FXYD7: variants seen among roughly 807,000 people sequenced by gnomAD.
The protein encoded by FXYD7 is FXYD domain containing ion transport regulator 7, also known as FXYD domain-containing ion transport regulator 7.
A neutral mutation model predicts 15.3 loss-of-function variants in FXYD7; 7 were observed. The ratio of observed to expected loss-of-function variants is 0.46; its 90% confidence interval spans 0.26 to 0.86. The LOEUF (loss-of-function observed/expected upper bound fraction) is 0.86, where lower values mean the gene tolerates loss of function less well. Ranked by LOEUF, FXYD7 falls within the 40% of genes least tolerant of loss-of-function variation. FXYD7 has a pLI of 0.16. For missense variants in FXYD7, 78 were observed against 100.6 expected, an observed-to-expected ratio of 0.78 and a Z score of 0.96; for synonymous variants, 39 against 39.3, an observed-to-expected ratio of 0.99 and a Z score of 0.03.
chr19:35,153,649 C>T (rs566990639), intron 5 of FXYD7, among the ~76,000 whole-genome samples: 31 of 152,218 alleles, frequency 2.0e-4, no homozygotes, highest in Admixed American at 6.5e-4. Flanking sequence ...CCCCAAAAGC[C>T]CAGGTTGGGT....
chr19:35,146,177 A>C (rs4583374), intron 1 of FXYD7, among the ~76,000 whole-genome samples: 41 of 151,866 alleles, frequency 2.7e-4, no homozygotes. Flanking sequence ...TCGCTCTGTC[A>C]TCCAGGCTGG....
chr19:35,148,696 C>T lies in FXYD7; in HGVS notation c.34C>T (p.Pro12Ser). Residue 12 changes from proline (P) to serine (S), a missense_variant and splice_region_variant, in exon 2 of 6, where the codon CCT becomes TCT. Pro to Ser is a moderately conservative substitution (Grantham distance 74). Coordinates refer to ENST00000270310, the MANE Select transcript of FXYD7 (RefSeq NM_022006.2). Reference protein sequence around the residue: ...ATPTQTPTKAPEEPDPFYYDY... With the variant: ...ATPTQTPTKASEEPDPFYYDY... ...TTTTCTCTGCTTCTTTCCCTCAGCT[C>T]CTGAGGAACCTGACCCATTTTACTA... is the stretch of plus-strand genomic sequence containing the variant. 1 of 1,569,626 alleles carries T rather than the reference C, an allele frequency of 6.4e-7. No homozygotes were observed. Among genetic ancestry groups the T allele is most frequent in the Non-Finnish European group, 8.7e-7 (1 of 1,153,812 alleles).
intron 2 of FXYD7, 88 bp downstream of exon 2, chr19:35,148,811 A>C: frequency 8.5e-7 from 1 of 1,178,332 alleles, no homozygotes; most frequent in Admixed American, 1.7e-5. Flanking sequence ...AGCTGTGGCC[A>C]CACGATACGT....
rs954084904 is a variant in FXYD7 at position 35,153,033 on chromosome 19, C to CTTTTTTTTTTTTTTTTT, written c.221-848_221-832dup. ...TTGGTGTGGAATTTGTTTCACGTTC[C>CTTTTTTTTTTTTTTTTT]TTTTTTTTTTTTTTTTTTTTTTTTT... is the stretch of plus-strand genomic sequence containing the variant. On this transcript the variant is annotated intron_variant, in intron 5 of 5. Coordinates refer to ENST00000270310, the MANE Select transcript of FXYD7 (RefSeq NM_022006.2). 4.3e-4 allele frequency among the ~76,000 whole-genome samples: 19 copies of CTTTTTTTTTTTTTTTTT among 44,138 alleles called. 4 individuals carry two copies. Among genetic ancestry groups the CTTTTTTTTTTTTTTTTT allele is most frequent in the East Asian group, 7.4e-4 (1 of 1,346 alleles). The allele number at this position is 44,138 out of a possible 152,430, so 29.0% of individuals were successfully genotyped here. A position where few individuals can be genotyped will look rare whatever the true frequency, so the allele number is the denominator to read the frequency against.
intron 1 of FXYD7, among the ~76,000 whole-genome samples, chr19:35,147,065 G>A (rs118074228): frequency 1.1e-3 from 174 of 152,350 alleles, no homozygotes; most frequent in Non-Finnish European, 2.1e-3. Flanking sequence ...TCCATCACAG[G>A]TTGACCAGTC....
At chr19:35,151,780 G>A in intron 5 of FXYD7, 107 bp downstream of exon 5, 1 of 781,942 alleles carries the variant, frequency 1.3e-6, no homozygotes, top group South Asian at 1.4e-5. Context: ...GGGCGGAGGG[G>A]GGGTGGTGCC....
At position 35,148,002 on chromosome 19, in the gene FXYD7, A is replaced by C. The variant is rs531186711; in HGVS notation, c.32-692A>C. Among the ~76,000 whole-genome samples, 3 of 149,558 alleles carry C rather than the reference A, an allele frequency of 2.0e-5. No homozygotes were observed. The South Asian group carries it at 6.4e-4, about 32-fold the overall frequency. ...GGCAAGGCCCTGTCTCAAAAAAAGA[A>C]AGAAGGAAAGAAAGAAGAAAGAAGG... On this transcript the variant is annotated intron_variant, in intron 1 of 5. Coordinates refer to ENST00000270310, the MANE Select transcript of FXYD7 (RefSeq NM_022006.2).
chr19:35,144,386 C>T (rs1313632763), intron 1 of FXYD7, among the ~76,000 whole-genome samples: 1 of 152,204 alleles, frequency 6.6e-6, no homozygotes, highest in Non-Finnish European at 1.5e-5. Flanking sequence ...CACTTAAACA[C>T]CCACTTCTAC....
At chr19:35,145,498 A>G (rs898382275) in intron 1 of FXYD7, among the ~76,000 whole-genome samples, 1 of 152,166 alleles carries the variant, frequency 6.6e-6, no homozygotes, top group Non-Finnish European at 1.5e-5. Flanking sequence ...GAGACAATCC[A>G]CCTTTTACAG....
chr19:35,146,208 G>T (rs1375852484), intron 1 of FXYD7, among the ~76,000 whole-genome samples: 1 of 151,902 alleles, frequency 6.6e-6, no homozygotes. Context: ...CACGATCTTG[G>T]CTTACTGCAA....
intron 2 of FXYD7, chr19:35,149,309 C>A: frequency 8.9e-6 from 3 of 336,016 alleles, no homozygotes; most frequent in South Asian, 7.1e-5. Context: ...CCCTAGGTGT[C>A]AATTTCTCTC....
At chr19:35,151,163 G>T in intron 2 of FXYD7, 91 bp from the exon 3 acceptor site, 1 of 842,920 alleles carries the variant, frequency 1.2e-6, no homozygotes. Flanking sequence ...GCGATTCTGG[G>T]TTCCTGGCTG....
intron 1 of FXYD7, among the ~76,000 whole-genome samples, chr19:35,146,174 G>C (rs1600491055): frequency 6.6e-6 from 1 of 151,656 alleles, no homozygotes; most frequent in African/African-American, 2.4e-5. Context: ...GTCTCGCTCT[G>C]TCATCCAGGC....
At chr19:35,144,057 GA>G (rs976585839) in intron 1 of FXYD7, among the ~76,000 whole-genome samples, 5 of 149,226 alleles carry the variant, frequency 3.4e-5, no homozygotes, top group African/African-American at 9.8e-5. Flanking sequence ...GAGAGAGAGA[GA>G]AAAAAAAATG....
intron 4 of FXYD7, 63 bp from the exon 5 acceptor site, chr19:35,151,570 T>A: frequency 1.3e-6 from 2 of 1,596,736 alleles, no homozygotes; most frequent in Non-Finnish European, 1.7e-6. Flanking sequence ...GCCATGCGTT[T>A]TCCCCAAAGC....
intron 1 of FXYD7, among the ~76,000 whole-genome samples, chr19:35,145,983 C>T (rs887710878): frequency 6.6e-6 from 1 of 151,852 alleles, no homozygotes; most frequent in African/African-American, 2.4e-5. Flanking sequence ...TGCTATGTTT[C>T]CCAGCCTGGT....
chr19:35,148,573 C>T, intron 1 of FXYD7, 121 bp from the exon 2 acceptor site: 1 of 812,232 alleles, frequency 1.2e-6, no homozygotes, highest in Non-Finnish European at 1.9e-6. Context: ...CAAGGGGTCT[C>T]TATCTGACTT....
intron 2 of FXYD7, chr19:35,149,214 C>T (rs2065301255): frequency 2.8e-6 from 1 of 359,440 alleles, no homozygotes; most frequent in Non-Finnish European, 5.5e-6. Context: ...TAAGCTACCC[C>T]AGGCCTGGTA....
chr19:35,146,450 T>C (rs73041992), intron 1 of FXYD7, among the ~76,000 whole-genome samples: 61,659 of 152,080 alleles, frequency 0.41, 13,235 homozygotes, highest in South Asian at 0.53. Flanking sequence ...AAATTCATCT[T>C]CTTTTTGCCT....
Sources: allele counts gnomAD v4.1 joint callset (sites outside exome capture counted in the v4.1 genomes callset), GRCh38; gene constraint gnomAD v4.1.1; transcripts MANE v1.5; gene names NCBI Gene and HGNC (gene_info 2026-07-23, HGNC 2026-07-21).